The following LRMDA variants were observed in gnomAD, a reference collection of about 807,000 sequenced individuals.
LRMDA encodes leucine rich melanocyte differentiation associated.
LRMDA carries 18 observed loss-of-function variants against 29.8 expected under a neutral mutation model. The ratio of observed to expected loss-of-function variants is 0.60; its 90% confidence interval spans 0.42 to 0.90. The LOEUF is 0.90. LRMDA is among the 40% of genes least tolerant of loss of function. LRMDA has a pLI of 0.00. For missense variants in LRMDA, 273 were observed against 273.9 expected (o/e 1.00, Z 0.02); for synonymous variants, 125 against 109.4 (o/e 1.14, Z -0.89).
chr10:75,762,678 T>A (rs1843112901), intron 2 of LRMDA, among the ~76,000 whole-genome samples: 2 of 152,206 alleles, frequency 1.3e-5, no homozygotes, highest in Admixed American at 1.3e-4. Context: ...ATGGGGTTAA[T>A]AAGAATATTC....
At chr10:76,509,653 G>A (rs946079760) in intron 6 of LRMDA, among the ~76,000 whole-genome samples, 2 of 152,204 alleles carry the variant, frequency 1.3e-5, no homozygotes, top group African/African-American at 4.8e-5. Flanking sequence ...CTGAACAGTG[G>A]TTTGCAGGAT....
At chr10:75,929,766 G>A (rs746918177) in intron 2 of LRMDA, among the ~76,000 whole-genome samples, 9 of 152,126 alleles carry the variant, frequency 5.9e-5, no homozygotes, top group Non-Finnish European at 1.3e-4. Context: ...CAATGACATA[G>A]CATGACCAGG....
chr10:75,500,748 C>T (rs1845103349), intron 2 of LRMDA, among the ~76,000 whole-genome samples: 1 of 151,996 alleles, frequency 6.6e-6, no homozygotes, highest in South Asian at 2.1e-4. Flanking sequence ...GGGGGAAGAG[C>T]CCTATATAAA....
intron 5 of LRMDA, among the ~76,000 whole-genome samples, chr10:76,229,734 C>T (rs949777730): frequency 4.6e-5 from 7 of 151,994 alleles, no homozygotes; most frequent in Admixed American, 1.3e-4. Flanking sequence ...CGTGTCTTTG[C>T]GGGTGGGAGG....
intron 2 of LRMDA, among the ~76,000 whole-genome samples, chr10:75,547,186 T>G (rs1170023121): frequency 6.6e-6 from 1 of 152,112 alleles, no homozygotes; most frequent in Admixed American, 6.6e-5. Context: ...CACCCAAGAT[T>G]CTATTTATTC....
intron 2 of LRMDA, among the ~76,000 whole-genome samples, chr10:75,898,125 T>C (rs1254511943): frequency 6.6e-6 from 1 of 152,118 alleles, no homozygotes; most frequent in Non-Finnish European, 1.5e-5. Context: ...CGCCTGGCCT[T>C]CCTACTACTT....
rs554172595 is a variant in LRMDA, at chr10:75,498,892, AGG to A, written c.131+60402_131+60403del. On this transcript the variant is annotated intron_variant, in intron 2 of 6. Coordinates refer to ENST00000611255, the MANE Select transcript of LRMDA (RefSeq NM_001305581.2). ...AATCCTCTCCGTCTCAGAAGCCTAA[AGG>A]GGGAGTGAGTTGGTTTTGGGAGGAT... 2.5e-4 allele frequency among the ~76,000 whole-genome samples: 38 copies of A among 152,182 alleles called. No individual in the cohort carries two copies. The South Asian group carries it at 7.9e-3, about 32-fold the overall frequency.
chr10:76,269,537 T>C (rs949437153), intron 5 of LRMDA, among the ~76,000 whole-genome samples: 2 of 152,168 alleles, frequency 1.3e-5, no homozygotes, highest in African/African-American at 2.4e-5. Flanking sequence ...AGGATGTCTA[T>C]AGATACATAC....
chr10:75,818,911 C>A (rs1170119348), intron 2 of LRMDA, among the ~76,000 whole-genome samples: 2 of 152,210 alleles, frequency 1.3e-5, no homozygotes, highest in African/African-American at 2.4e-5. Flanking sequence ...GTTAGTTTGG[C>A]TTCCCCAACT....
chr10:76,240,299 G>A (rs1167292134), intron 5 of LRMDA, among the ~76,000 whole-genome samples: 1 of 151,322 alleles, frequency 6.6e-6, no homozygotes, highest in African/African-American at 2.4e-5. Flanking sequence ...GATGGAATTG[G>A]AGACCATTAT....
chr10:76,559,744 T>C lies in LRMDA; in HGVS notation c.*2456T>C, dbSNP rs1167438250. 2 of 152,228 alleles carry C rather than the reference T, an allele frequency of 1.3e-5. No homozygotes were observed. The highest frequency in any genetic ancestry group is 4.8e-5 in the African/African-American group (2 of 41,462). 9.4% of individuals were successfully genotyped at this position (152,228 alleles called of 1,614,324 possible). On this transcript the variant is annotated 3_prime_UTR_variant, in exon 7 of 7. Coordinates refer to ENST00000611255, the MANE Select transcript of LRMDA (RefSeq NM_001305581.2). ...TTTGTACCCCCTTTACCCTTTGGTC[T>C]TTCTTCCTTTTATCCTATTCCACTG... is the stretch of plus-strand genomic sequence containing the variant.
chr10:75,796,376 A>G (rs112215391), intron 2 of LRMDA, among the ~76,000 whole-genome samples: 2,561 of 152,238 alleles, frequency 0.017, 30 homozygotes, highest in Middle Eastern at 0.037. Context: ...CTAGTTTATC[A>G]TGAATGGGTA....
At chr10:76,383,099 T>C (rs11595743) in intron 6 of LRMDA, among the ~76,000 whole-genome samples, 4,971 of 152,300 alleles carry the variant, frequency 0.033, 91 homozygotes, top group African/African-American at 0.059. Context: ...AATTGGGCAA[T>C]GGTTTTGGAA....
chr10:76,466,392 G>A (rs1199001361), intron 6 of LRMDA, among the ~76,000 whole-genome samples: 1 of 152,140 alleles, frequency 6.6e-6, no homozygotes, highest in Non-Finnish European at 1.5e-5. Flanking sequence ...GCCCCTCGTA[G>A]GCAGGACCTA....
At chr10:75,716,403 T>G (rs1028014827) in intron 2 of LRMDA, among the ~76,000 whole-genome samples, 4 of 152,222 alleles carry the variant, frequency 2.6e-5, no homozygotes, top group Admixed American at 6.5e-5. Flanking sequence ...TATGCCACCC[T>G]TAGTTGGGTA....
intron 2 of LRMDA, among the ~76,000 whole-genome samples, chr10:75,711,786 G>A (rs1439178030): frequency 6.6e-6 from 1 of 152,042 alleles, no homozygotes; most frequent in East Asian, 1.9e-4. Flanking sequence ...AAATAGTTTT[G>A]TTGCTAGGTA....
chr10:75,952,103 C>T (rs1377167633), intron 2 of LRMDA, among the ~76,000 whole-genome samples: 3 of 152,194 alleles, frequency 2.0e-5, no homozygotes, highest in Non-Finnish European at 4.4e-5. Flanking sequence ...AGACTCATCT[C>T]AGAAACCCTG....
chr10:76,163,311 G>C (rs868125642), intron 5 of LRMDA, among the ~76,000 whole-genome samples: 1 of 152,166 alleles, frequency 6.6e-6, no homozygotes, highest in South Asian at 2.1e-4. Context: ...GGGAGCTTGA[G>C]TGTGTAGAGA....
intron 5 of LRMDA, among the ~76,000 whole-genome samples, chr10:76,301,571 G>T (rs1176745934): frequency 6.6e-6 from 1 of 152,068 alleles, no homozygotes; most frequent in African/African-American, 2.4e-5. Context: ...CCACACAATG[G>T]CCTCTTGCTT....
Sources: gnomAD v4.1 joint callset for allele counts (sites outside exome capture counted in the v4.1 genomes callset) on GRCh38, gnomAD v4.1.1 for gene constraint, MANE v1.5 for transcripts, NCBI Gene and HGNC (gene_info 2026-07-23, HGNC 2026-07-21) for gene names.